The following SLC30A8 variants were observed in gnomAD, a reference collection of about 807,000 sequenced individuals.
SLC30A8 encodes the protein solute carrier family 30 member 8.
Under a neutral mutation model 36.9 loss-of-function variants are expected in SLC30A8, and 27 were observed. The observed-to-expected ratio is 0.73, with a 90% CI of 0.54 to 1.01. The LOEUF (loss-of-function observed/expected upper bound fraction) is 1.01. SLC30A8 is among the 50% of genes least tolerant of loss of function. SLC30A8 has a pLI of 0.00. For missense variants in SLC30A8, 439 were observed against 452.0 expected, an observed-to-expected ratio of 0.97 and a Z score of 0.26; for synonymous variants, 164 against 172.4, an observed-to-expected ratio of 0.95 and a Z score of 0.38.
At chr8:116,975,371 C>G (rs1237485251) in intron 1 of SLC30A8, among the ~76,000 whole-genome samples, 2 of 152,088 alleles carry the variant, frequency 1.3e-5, no homozygotes, top group African/African-American at 4.8e-5. Flanking sequence ...TGTTATAAAG[C>G]TTAATACATA....
At chr8:117,028,372 A>G (rs1816935353) in intron 1 of SLC30A8, among the ~76,000 whole-genome samples, 1 of 152,204 alleles carries the variant, frequency 6.6e-6, no homozygotes, top group South Asian at 2.1e-4. Context: ...CATTTCTTGA[A>G]ATGGTTAAAA....
chr8:117,127,631 G>T (rs908270771), intron 2 of SLC30A8, among the ~76,000 whole-genome samples: 2 of 152,028 alleles, frequency 1.3e-5, no homozygotes, highest in Non-Finnish European at 2.9e-5. Context: ...TTATAAGTTT[G>T]TATCTGTAAT....
chr8:117,056,311 T>G (rs1817869257), intron 2 of SLC30A8, among the ~76,000 whole-genome samples: 1 of 152,208 alleles, frequency 6.6e-6, no homozygotes, highest in Non-Finnish European at 1.5e-5. Context: ...GTGGGGACTC[T>G]CTTGCTGCTT....
At chr8:117,135,849 C>G (rs2130934382) in intron 1 of SLC30A8, among the ~76,000 whole-genome samples, 1 of 151,942 alleles carries the variant, frequency 6.6e-6, no homozygotes, top group African/African-American at 2.4e-5. Context: ...ATATACATAC[C>G]TATAACAAAT....
At chr8:116,954,869 G>T (rs1814134287) in intron 1 of SLC30A8, among the ~76,000 whole-genome samples, 1 of 152,204 alleles carries the variant, frequency 6.6e-6, no homozygotes. Flanking sequence ...AGAAGTCAGT[G>T]ATAGAGTGAG....
At chr8:117,097,414 A>ATATATATATATATAT (rs1563593781) in intron 2 of SLC30A8, among the ~76,000 whole-genome samples, 1 of 120,006 alleles carries the variant, frequency 8.3e-6, no homozygotes, top group African/African-American at 3.6e-5. Context: ...AAAAAAAAAA[A>ATATATATATATATAT]AAAAATATAT....
intron 1 of SLC30A8, among the ~76,000 whole-genome samples, chr8:117,011,546 A>G (rs1275994618): frequency 6.6e-6 from 1 of 152,226 alleles, no homozygotes; most frequent in Non-Finnish European, 1.5e-5. Context: ...AGCTGACAGC[A>G]GAAGTCACTT....
chr8:116,955,761 G>C (rs2130579127), intron 1 of SLC30A8, among the ~76,000 whole-genome samples: 1 of 152,018 alleles, frequency 6.6e-6, no homozygotes, highest in East Asian at 1.9e-4. Context: ...CAAAAAGACA[G>C]AGATGCTGAG....
At chr8:117,170,502 GTAAC>G (rs904823613) in intron 6 of SLC30A8, among the ~76,000 whole-genome samples, 26 of 152,154 alleles carry the variant, frequency 1.7e-4, no homozygotes, top group African/African-American at 6.3e-4. Flanking sequence ...GACCTGTTGA[GTAAC>G]TAATCTTTGT....
At chr8:117,114,470 C>T (rs1451589500) in intron 2 of SLC30A8, among the ~76,000 whole-genome samples, 2 of 152,080 alleles carry the variant, frequency 1.3e-5, no homozygotes, top group Non-Finnish European at 2.9e-5. Flanking sequence ...AGTTTTCTTA[C>T]AGAACACTTA....
intron 1 of SLC30A8, among the ~76,000 whole-genome samples, chr8:117,146,547 G>C (rs1010358594): frequency 1.3e-5 from 2 of 152,130 alleles, no homozygotes; most frequent in African/African-American, 4.8e-5. Context: ...TGAATCCTCA[G>C]TCTGGCTCTT....
chr8:117,050,050 A>G (rs951426927), intron 2 of SLC30A8, among the ~76,000 whole-genome samples: 7 of 152,290 alleles, frequency 4.6e-5, no homozygotes, highest in Middle Eastern at 3.4e-3. Flanking sequence ...CCTTGCACAA[A>G]TTGTACTGAC....
At chr8:117,024,875 T>G (rs1344916545) in intron 1 of SLC30A8, among the ~76,000 whole-genome samples, 2 of 152,222 alleles carry the variant, frequency 1.3e-5, no homozygotes. Context: ...TAAGTAAATG[T>G]GTCATGGTGG....
At chr8:117,058,838 A>T (rs62510503) in intron 2 of SLC30A8, among the ~76,000 whole-genome samples, 8,987 of 152,254 alleles carry the variant, frequency 0.059, 303 homozygotes, top group East Asian at 0.12. Context: ...ATTCCTTTGC[A>T]TATTGTCTGT....
intron 1 of SLC30A8, among the ~76,000 whole-genome samples, chr8:117,037,298 C>T (rs1206452847): frequency 6.6e-6 from 1 of 152,134 alleles, no homozygotes; most frequent in Admixed American, 6.5e-5. Flanking sequence ...ATAATAACTG[C>T]CTCTTTCTGA....
intron 1 of SLC30A8, among the ~76,000 whole-genome samples, chr8:116,966,917 G>A (rs1207445294): frequency 2.6e-5 from 4 of 152,140 alleles, no homozygotes; most frequent in South Asian, 2.1e-4. Flanking sequence ...TAATGGCCAA[G>A]GATTTGAATA....
chr8:117,165,916 G>A (rs1823032497), intron 6 of SLC30A8, among the ~76,000 whole-genome samples: 1 of 152,092 alleles, frequency 6.6e-6, no homozygotes, highest in South Asian at 2.1e-4. Flanking sequence ...CTCATATGTG[G>A]GAGCTAAAAA....
chr8:117,135,463 G>C (rs1563618811), intron 1 of SLC30A8, 65 bp downstream of exon 1: 5 of 1,335,322 alleles, frequency 3.7e-6, no homozygotes, highest in Non-Finnish European at 5.2e-6. Flanking sequence ...CCTATACCTT[G>C]TTGCTTCTGA....
rs759689654 is a variant in SLC30A8 at position 117,135,435 on chromosome 8, G to A, written c.71+37G>A. ...CTGTGTCTGCTTCACAATTTTCTCT[G>A]TTGAATATCATCCAATTCCTATACC... On this transcript the variant is annotated intron_variant, in intron 1 of 7. Transcript: ENST00000456015. The A allele has an allele frequency of 1.4e-5, 21 of 1,509,652 alleles. No homozygotes were observed. In the South Asian group the frequency reaches 2.4e-4, roughly 17 times the overall value. The allele number at this position is 1,509,652 out of a possible 1,614,324, so 93.5% of individuals were successfully genotyped here.
Sources: allele counts gnomAD v4.1 joint callset (sites outside exome capture counted in the v4.1 genomes callset), GRCh38; gene constraint gnomAD v4.1.1; transcripts MANE v1.5; gene names NCBI Gene and HGNC (gene_info 2026-07-23, HGNC 2026-07-21).